Variants in ZNF722 observed in about 807,000 individuals in gnomAD.
ZNF722 encodes zinc finger protein 722, also known as zinc finger protein 479 pseudogene.
the ZNF722 span, among the ~76,000 whole-genome samples, chr7:64,009,116 G>C: frequency 6.6e-6 from 1 of 152,228 alleles, no homozygotes; most frequent in Non-Finnish European, 1.5e-5. Context: ...CTTTGCTGAA[G>C]TTGCTTATCA....
At chr7:64,003,752 A>G in the ZNF722 span, among the ~76,000 whole-genome samples, 1 of 152,154 alleles carries the variant, frequency 6.6e-6, no homozygotes. Flanking sequence ...TCTCACTACA[A>G]ATTTATGACC....
At chr7:64,007,470 C>T in the ZNF722 span, among the ~76,000 whole-genome samples, 26 of 152,148 alleles carry the variant, frequency 1.7e-4, no homozygotes, top group Admixed American at 1.0e-3. Context: ...CAATTCCCAC[C>T]TATGAGTGAG....
the ZNF722 span, among the ~76,000 whole-genome samples, chr7:64,007,230 G>GTATATATATATATATATATA: frequency 5.6e-3 from 779 of 137,976 alleles, 7 homozygotes; most frequent in African/African-American, 0.011. Context: ...GTTTGTGTGT[G>GTATATATATATATATATATA]TATATATATA....
At chr7:64,000,004 T>C in the ZNF722 span, among the ~76,000 whole-genome samples, 28 of 152,038 alleles carry the variant, frequency 1.8e-4, no homozygotes, top group Admixed American at 1.7e-3. Flanking sequence ...CCATAAGAGA[T>C]ACATTTGAGT....
chr7:64,001,470 A>G, the ZNF722 span, among the ~76,000 whole-genome samples: 1 of 152,310 alleles, frequency 6.6e-6, no homozygotes, highest in African/African-American at 2.4e-5. Context: ...TTTACGTAAC[A>G]CATTTTCTTT....
the ZNF722 span, among the ~76,000 whole-genome samples, chr7:64,007,506 C>T: frequency 6.6e-6 from 1 of 152,040 alleles, no homozygotes; most frequent in Non-Finnish European, 1.5e-5. Context: ...GTTTTCTGTC[C>T]TTGTGATAGT....
At chr7:64,012,530 T>C in the ZNF722 span, among the ~76,000 whole-genome samples, 2,775 of 152,212 alleles carry the variant, frequency 0.018, 170 homozygotes, top group East Asian at 0.18. Flanking sequence ...AACAGTCAAG[T>C]CCCTCAGCTG....
the ZNF722 span, among the ~76,000 whole-genome samples, chr7:63,999,767 G>C: frequency 2.0e-5 from 3 of 151,776 alleles, no homozygotes; most frequent in African/African-American, 7.3e-5. Flanking sequence ...GCGCGATCTC[G>C]GCTCACTGCA....
chr7:64,015,179 CA>C, the ZNF722 span: 3 of 1,336,286 alleles, frequency 2.2e-6, no homozygotes, highest in Non-Finnish European at 3.2e-6. Flanking sequence ...GTGAGGTGCA[CA>C]AAGGAGGTTA....
At chr7:63,998,882 C>T in the ZNF722 span, 1 of 1,476,570 alleles carries the variant, frequency 6.8e-7, no homozygotes, top group East Asian at 2.3e-5. Flanking sequence ...AGCTCCAGTT[C>T]TTTTCTTCAG....
At chr7:64,017,122 A>C in the ZNF722 span, among the ~76,000 whole-genome samples, 2 of 152,198 alleles carry the variant, frequency 1.3e-5, no homozygotes, top group Admixed American at 1.3e-4. Context: ...GTGTTGGCTC[A>C]CCCTTGAAAT....
the ZNF722 span, among the ~76,000 whole-genome samples, chr7:64,004,774 G>T: frequency 1.3e-5 from 2 of 151,980 alleles, no homozygotes; most frequent in African/African-American, 4.8e-5. Context: ...TTTATTTACA[G>T]GTGAGAGAAA....
At chr7:64,004,425 A>AAT in the ZNF722 span, among the ~76,000 whole-genome samples, 659 of 61,058 alleles carry the variant, frequency 0.011, 18 homozygotes, top group African/African-American at 0.013. Flanking sequence ...AAAAAAAAAA[A>AAT]ATATATATAT....
chr7:63,999,049 C>CGGCTG, the ZNF722 span: 3 of 1,557,108 alleles, frequency 1.9e-6, no homozygotes, highest in Non-Finnish European at 2.7e-6. Flanking sequence ...CGGTTGGAAC[C>CGGCTG]GGCTGAAAGT....
At chr7:64,016,132 A>C in the ZNF722 span, 2 of 449,994 alleles carry the variant, frequency 4.4e-6, no homozygotes, top group Non-Finnish European at 3.9e-6. Context: ...ACCCAAGAGA[A>C]TTTATTTAAA....
chr7:64,008,729 T>C, the ZNF722 span, among the ~76,000 whole-genome samples: 1 of 152,236 alleles, frequency 6.6e-6, no homozygotes, highest in African/African-American at 2.4e-5. Context: ...CAATGTGGGC[T>C]CTTTTTTGGT....
At chr7:64,004,129 A>G in the ZNF722 span, among the ~76,000 whole-genome samples, 2 of 151,900 alleles carry the variant, frequency 1.3e-5, no homozygotes, top group Non-Finnish European at 2.9e-5. Context: ...GGCCGGGCGC[A>G]GTGTCTCAGG....
chr7:64,003,192 C>T, the ZNF722 span, among the ~76,000 whole-genome samples: 90,768 of 152,016 alleles, frequency 0.6, 28,216 homozygotes, highest in Non-Finnish European at 0.7. Flanking sequence ...GCGGTTCATG[C>T]TCCCATTACT....
the ZNF722 span, among the ~76,000 whole-genome samples, chr7:64,006,672 A>AT: frequency 6.6e-6 from 1 of 151,790 alleles, no homozygotes; most frequent in African/African-American, 2.4e-5. Context: ...TATTTATAAA[A>AT]TTTTTTTTGC....
Sources: gnomAD v4.1 joint callset for allele counts (sites outside exome capture counted in the v4.1 genomes callset) on GRCh38, gnomAD v4.1.1 for gene constraint, MANE v1.5 for transcripts, NCBI Gene and HGNC (gene_info 2026-07-23, HGNC 2026-07-21) for gene names.